The following GRID1 variants were observed in gnomAD, a reference collection of about 807,000 sequenced individuals.
GRID1 encodes the protein glutamate ionotropic receptor delta type subunit 1, also known as glutamate receptor ionotropic, delta-1.
A neutral mutation model predicts 98.0 loss-of-function variants in GRID1; 28 were observed. That is an observed-to-expected ratio of 0.29 (90% CI 0.21 to 0.39). GRID1 has a LOEUF of 0.39. Ranked by LOEUF, GRID1 falls within the 10% of genes least tolerant of loss-of-function variation. The pLI, the probability that GRID1 is intolerant of heterozygous loss-of-function variation, is 1.00. For synonymous variants in GRID1, 553 were observed against 538.5 expected (o/e 1.03, Z -0.37); for missense variants, 1,111 against 1,340.5 (o/e 0.83, Z 2.67).
chr10:85,983,842 T>G (rs1434497681), intron 4 of GRID1, among the ~76,000 whole-genome samples: 1 of 152,160 alleles, frequency 6.6e-6, no homozygotes, highest in African/African-American at 2.4e-5. Context: ...AGACTCACCA[T>G]GGGGTCATGA....
chr10:85,702,071 T>A (rs1841457706), intron 12 of GRID1, among the ~76,000 whole-genome samples: 1 of 152,142 alleles, frequency 6.6e-6, no homozygotes, highest in South Asian at 2.1e-4. Context: ...TTACATAATA[T>A]TGTGTTAAAG....
chr10:85,788,562 A>G (rs1227356660), intron 8 of GRID1, among the ~76,000 whole-genome samples: 1 of 152,100 alleles, frequency 6.6e-6, no homozygotes, highest in Non-Finnish European at 1.5e-5. Context: ...TGACAGGCAA[A>G]CCCTAATTGT....
intron 12 of GRID1, among the ~76,000 whole-genome samples, chr10:85,655,078 G>A (rs1343396521): frequency 6.6e-6 from 1 of 152,204 alleles, no homozygotes; most frequent in Non-Finnish European, 1.5e-5. Context: ...GAGGCTTAGT[G>A]TAGAGCCTTC....
At chr10:85,885,822 G>A (rs913270994) in intron 5 of GRID1, among the ~76,000 whole-genome samples, 19 of 152,320 alleles carry the variant, frequency 1.2e-4, no homozygotes, top group African/African-American at 4.3e-4. Flanking sequence ...AAGTTACAGA[G>A]TGATAAATAA....
intron 6 of GRID1, among the ~76,000 whole-genome samples, chr10:85,856,397 C>T (rs1285955640): frequency 1.2e-4 from 19 of 152,208 alleles, no homozygotes; most frequent in Non-Finnish European, 8.8e-5. Context: ...TGCCCTGCCT[C>T]AGGAACTAGA....
intron 2 of GRID1, among the ~76,000 whole-genome samples, chr10:86,332,143 C>T (rs1256186514): frequency 6.6e-6 from 1 of 152,216 alleles, no homozygotes; most frequent in East Asian, 1.9e-4. Flanking sequence ...TGGCCAATGG[C>T]AGGGTGGGGC....
chr10:85,746,565 G>A (rs149809483), intron 8 of GRID1, among the ~76,000 whole-genome samples: 9 of 152,174 alleles, frequency 5.9e-5, no homozygotes, highest in Non-Finnish European at 7.3e-5. Flanking sequence ...ACTTATGACC[G>A]TTGCACTGGG....
At chr10:86,139,675 T>G (rs1347928202) in intron 3 of GRID1, among the ~76,000 whole-genome samples, 1 of 152,110 alleles carries the variant, frequency 6.6e-6, no homozygotes, top group Non-Finnish European at 1.5e-5. Flanking sequence ...CCAAGTCCAG[T>G]CAGAAGCCCA....
intron 6 of GRID1, among the ~76,000 whole-genome samples, chr10:85,867,077 C>T (rs1267078279): frequency 1.3e-5 from 2 of 152,112 alleles, no homozygotes; most frequent in African/African-American, 4.8e-5. Context: ...CCCTTTGAAC[C>T]CCTCAGTCTC....
intron 9 of GRID1, 64 bp from the exon 10 acceptor site, chr10:85,728,116 G>T: frequency 8.8e-7 from 1 of 1,132,030 alleles, no homozygotes; most frequent in Non-Finnish European, 1.3e-6. Context: ...TATTTCCAGT[G>T]TAATGTTAGA....
intron 8 of GRID1, among the ~76,000 whole-genome samples, chr10:85,763,801 A>T (rs920565033): frequency 6.6e-6 from 1 of 152,188 alleles, no homozygotes; most frequent in Non-Finnish European, 1.5e-5. Flanking sequence ...TACTACAGAC[A>T]AGTGAAGTAA....
intron 8 of GRID1, among the ~76,000 whole-genome samples, chr10:85,820,027 A>AAGGAAGGAAGGAAGGAAGGC (rs1564600207): frequency 1.5e-5 from 1 of 66,522 alleles, no homozygotes; most frequent in East Asian, 4.7e-4. Flanking sequence ...GGAAGGAAGG[A>AAGGAAGGAAGGAAGGAAGGC]AGGCAGGCAG....
At chr10:85,702,477 A>G (rs1841462766) in intron 12 of GRID1, among the ~76,000 whole-genome samples, 1 of 152,154 alleles carries the variant, frequency 6.6e-6, no homozygotes, top group Admixed American at 6.6e-5. Context: ...CCTGTAAACA[A>G]CATGCAAATA....
chr10:86,136,491 T>G (rs1028123061), intron 4 of GRID1, among the ~76,000 whole-genome samples: 2 of 152,220 alleles, frequency 1.3e-5, no homozygotes, highest in Non-Finnish European at 2.9e-5. Context: ...TTGAATCCTG[T>G]TCAATGCCTA....
intron 8 of GRID1, among the ~76,000 whole-genome samples, chr10:85,841,206 T>G (rs1405175107): frequency 6.6e-6 from 1 of 152,190 alleles, no homozygotes; most frequent in East Asian, 1.9e-4. Context: ...CTACCTGATC[T>G]TCAACAAACC....
chr10:85,945,448 CTGTACTGTAGCTGAAAGTG>C (rs899515941), intron 4 of GRID1, among the ~76,000 whole-genome samples: 4 of 24,918 alleles, frequency 1.6e-4, no homozygotes, highest in African/African-American at 5.2e-4. Context: ...TTAATGGGTA[CTGTACTGTAGCTGAAAGTG>C]GTATCTGTCA....
chr10:86,041,492 A>G (rs1447850302), intron 4 of GRID1, among the ~76,000 whole-genome samples: 1 of 152,104 alleles, frequency 6.6e-6, no homozygotes. Flanking sequence ...ACCTGAAAAG[A>G]GGGGGCTTGC....
intron 13 of GRID1, among the ~76,000 whole-genome samples, chr10:85,623,287 T>C (rs1257061333): frequency 2.6e-5 from 4 of 152,204 alleles, no homozygotes; most frequent in Non-Finnish European, 5.9e-5. Flanking sequence ...GGTCTGACCA[T>C]ACTGTCAGGA....
At chr10:86,016,503 G>A (rs1051121181) in intron 4 of GRID1, among the ~76,000 whole-genome samples, 3 of 152,092 alleles carry the variant, frequency 2.0e-5, no homozygotes, top group Non-Finnish European at 4.4e-5. Flanking sequence ...TTATGAGTAA[G>A]AGTTAATTTC....
Sources: allele counts gnomAD v4.1 joint callset (sites outside exome capture counted in the v4.1 genomes callset), GRCh38; gene constraint gnomAD v4.1.1; transcripts MANE v1.5; gene names NCBI Gene and HGNC (gene_info 2026-07-23, HGNC 2026-07-21).